The following CUEDC1 variants were observed in gnomAD, a reference collection of about 807,000 sequenced individuals.
The protein encoded by CUEDC1 is CUE domain containing 1.
In CUEDC1, 30 loss-of-function variants were observed where a neutral mutation model predicts 43.7. The ratio of observed to expected loss-of-function variants is 0.69; its 90% CI spans 0.51 to 0.93. The LOEUF is 0.93. Among genes scored for constraint, CUEDC1 ranks in the 40% least tolerant of loss-of-function variants. The pLI is 0.00. For synonymous variants in CUEDC1, 223 were observed against 223.6 expected (o/e 1.00, Z 0.02); for missense variants, 486 against 549.0 (o/e 0.89, Z 1.15).
intron 3 of CUEDC1, among the ~76,000 whole-genome samples, chr17:57,878,647 A>ATTATTTAT (rs10528320): frequency 0.023 from 3,384 of 147,376 alleles, 49 homozygotes; most frequent in Non-Finnish European, 0.029. Context: ...AACTACCTTG[A>ATTATTTAT]TTATTTATTT....
chr17:57,927,723 T>G (rs779644634), intron 1 of CUEDC1, among the ~76,000 whole-genome samples: 3 of 152,228 alleles, frequency 2.0e-5, no homozygotes, highest in Non-Finnish European at 4.4e-5. Context: ...CAATAACCTG[T>G]TGCTCTGCAA....
At chr17:57,879,485 G>A in intron 3 of CUEDC1, 126 bp downstream of exon 3, 1 of 1,243,530 alleles carries the variant, frequency 8.0e-7, no homozygotes. Context: ...GTCTCTTGCT[G>A]CAGTAGAAGC....
intron 1 of CUEDC1, among the ~76,000 whole-genome samples, chr17:57,902,628 T>C (rs2074485145): frequency 6.6e-6 from 1 of 152,206 alleles, no homozygotes. Flanking sequence ...ATACTAGTCA[T>C]TTGAGAATCC....
chr17:57,889,232 C>T (rs2074330499), intron 1 of CUEDC1, among the ~76,000 whole-genome samples: 1 of 152,184 alleles, frequency 6.6e-6, no homozygotes, highest in African/African-American at 2.4e-5. Context: ...GGCTATGCTG[C>T]ATTTGAGTTA....
At chr17:57,921,478 G>A (rs1226553352) in intron 1 of CUEDC1, among the ~76,000 whole-genome samples, 1 of 152,196 alleles carries the variant, frequency 6.6e-6, no homozygotes, top group Non-Finnish European at 1.5e-5. Flanking sequence ...AGATTCCGTG[G>A]GAGCCTCAGG....
At chr17:57,910,737 C>T (rs1461230590) in intron 1 of CUEDC1, among the ~76,000 whole-genome samples, 1 of 152,094 alleles carries the variant, frequency 6.6e-6, no homozygotes, top group Admixed American at 6.5e-5. Flanking sequence ...GTGAACACCC[C>T]CTTTTTCTTC....
chr17:57,899,206 C>T (rs2074445140), intron 1 of CUEDC1, among the ~76,000 whole-genome samples: 1 of 152,140 alleles, frequency 6.6e-6, no homozygotes, highest in African/African-American at 2.4e-5. Flanking sequence ...GGGCCCAGCC[C>T]AGACAGCAGA....
chr17:57,869,007 G>A (rs2073999091), intron 7 of CUEDC1, 115 bp downstream of exon 7: 1 of 1,023,122 alleles, frequency 9.8e-7, no homozygotes. Flanking sequence ...AAATGTCACT[G>A]GTTCACCAAG....
intron 1 of CUEDC1, among the ~76,000 whole-genome samples, chr17:57,914,850 T>C (rs2074621462): frequency 6.6e-6 from 1 of 152,224 alleles, no homozygotes; most frequent in African/African-American, 2.4e-5. Context: ...GCAGGAACTC[T>C]GAGTGGCATT....
chr17:57,947,568 G>A (rs895291915), intron 1 of CUEDC1, among the ~76,000 whole-genome samples: 4 of 152,146 alleles, frequency 2.6e-5, no homozygotes, highest in African/African-American at 9.7e-5. Flanking sequence ...GGAGGCTAAG[G>A]CGAGTGGATC....
chr17:57,922,389 A>G (rs2074706687), intron 1 of CUEDC1: 1 of 152,152 alleles, frequency 6.6e-6, no homozygotes, highest in Non-Finnish European at 1.5e-5. Flanking sequence ...CCCTCTGTTC[A>G]TTCTAGGAGA....
intron 1 of CUEDC1, among the ~76,000 whole-genome samples, chr17:57,908,952 G>A (rs996770255): frequency 3.9e-5 from 6 of 151,944 alleles, no homozygotes; most frequent in Admixed American, 1.3e-4. Context: ...AGCCAAGATC[G>A]CGCTACTGCA....
chr17:57,925,817 C>A (rs1314403749), intron 1 of CUEDC1, among the ~76,000 whole-genome samples: 1 of 152,184 alleles, frequency 6.6e-6, no homozygotes. Context: ...TCTAAAAGAA[C>A]ACTAATTACA....
intron 1 of CUEDC1, among the ~76,000 whole-genome samples, chr17:57,918,259 A>G (rs888133240): frequency 3.3e-5 from 5 of 152,334 alleles, no homozygotes; most frequent in Middle Eastern, 3.4e-3. Context: ...CTTCCAGGGA[A>G]TCAACTTCTG....
In CUEDC1 at chr17:57,885,607, A is replaced by G. The variant is rs944775920; in HGVS notation, c.-43T>C. 2 of 1,343,300 alleles carry G rather than the reference A, an allele frequency of 1.5e-6. No homozygotes were observed. Among genetic ancestry groups the G allele is most frequent in the African/African-American group, 3.1e-5 (2 of 64,522 alleles). 83.2% of individuals were successfully genotyped at this position (1,343,300 alleles called of 1,614,324 possible). A position where few individuals can be genotyped will look rare whatever the true frequency, so the allele number is the denominator to read the frequency against. On this transcript the variant is annotated 5_prime_UTR_variant, in exon 2 of 11. Transcript: ENST00000577830. ...GGAAAATGTTTCTAGCCGGCCGCAA[A>G]GCCCCTTCCCCAGGGTCTTTCCGCC...
chr17:57,920,761 T>C (rs1313210759), intron 1 of CUEDC1, among the ~76,000 whole-genome samples: 1 of 151,778 alleles, frequency 6.6e-6, no homozygotes, highest in Non-Finnish European at 1.5e-5. Flanking sequence ...CCTCCCTTAG[T>C]AGCTGGGACT....
At chr17:57,945,959 G>A (rs2074956302) in intron 1 of CUEDC1, among the ~76,000 whole-genome samples, 1 of 151,816 alleles carries the variant, frequency 6.6e-6, no homozygotes, top group Non-Finnish European at 1.5e-5. Context: ...CGGGCGGGTG[G>A]AGGCTGTGGG....
intron 1 of CUEDC1, among the ~76,000 whole-genome samples, chr17:57,918,967 C>T (rs1209802191): frequency 6.6e-6 from 1 of 152,110 alleles, no homozygotes; most frequent in Non-Finnish European, 1.5e-5. Context: ...GATGCTTCTG[C>T]CTCAGCCTCC....
intron 1 of CUEDC1, among the ~76,000 whole-genome samples, chr17:57,950,074 G>A (rs559034265): frequency 6.6e-6 from 1 of 152,280 alleles, no homozygotes; most frequent in East Asian, 1.9e-4. Context: ...CTTGGAAAGG[G>A]TCCGACCCCT....
Sources: allele counts gnomAD v4.1 joint callset (sites outside exome capture counted in the v4.1 genomes callset), GRCh38; gene constraint gnomAD v4.1.1; transcripts MANE v1.5; gene names NCBI Gene and HGNC (gene_info 2026-07-23, HGNC 2026-07-21).